Variants in ESF1 observed in about 807,000 individuals in gnomAD.
ESF1 encodes the protein ESF1 nucleolar pre-rRNA processing protein.
Under a neutral mutation model 92.0 loss-of-function variants are expected in ESF1, and 58 were observed. The ratio of observed to expected loss-of-function variants is 0.63; its 90% CI spans 0.51 to 0.78. ESF1 has a LOEUF of 0.78. ESF1 is among the 30% of genes least tolerant of loss of function. The pLI, the probability that ESF1 is intolerant of heterozygous loss-of-function variation, is 0.00. For synonymous variants in ESF1, 321 were observed against 313.7 expected, an observed-to-expected ratio of 1.02 and a Z score of -0.24; for missense variants, 922 against 989.1, an observed-to-expected ratio of 0.93 and a Z score of 0.91.
In ESF1 at chr20:13,775,235, C is replaced by G; in HGVS notation, c.1071G>C (p.Trp357Cys). 2 of 1,610,450 alleles carry G rather than the reference C, an allele frequency of 1.2e-6. No homozygotes were observed. Among genetic ancestry groups the G allele is most frequent in the Non-Finnish European group, 1.7e-6 (2 of 1,178,840 alleles). Residue 357 changes from tryptophan (W) to cysteine (C), a missense_variant, in exon 4 of 14, where the codon TGG becomes TGC. Physicochemically the swap from Trp to Cys is radical, Grantham distance 215 (BLOSUM62 -2). Coordinates refer to ENST00000617257, the MANE Select transcript of ESF1 (RefSeq NM_001276380.2). ...GCAAATCTTTTGCCTTTAATCTATC[C>G]CAGTCCATGTTACAAACTGCTAATC... The part of the protein sequence containing the change: ...TRRLAVCNMD[W>C]DRLKAKDLLA...
chr20:13,777,011 A>G (rs1183297801), intron 2 of ESF1, among the ~76,000 whole-genome samples: 1 of 152,230 alleles, frequency 6.6e-6, no homozygotes, highest in Non-Finnish European at 1.5e-5. Context: ...ATGGGAAGAC[A>G]CTGCTGTTTT....
intron 9 of ESF1, among the ~76,000 whole-genome samples, chr20:13,734,915 GAGGT>G (rs1232761398): frequency 6.6e-6 from 1 of 152,058 alleles, no homozygotes; most frequent in East Asian, 1.9e-4. Context: ...TAAGAACATG[GAGGT>G]AGGAAGCTGC....
chr20:13,728,468 T>C lies in ESF1; in HGVS notation c.1951-3A>G, dbSNP rs202096171. On this transcript the variant is annotated splice_polypyrimidine_tract_variant and splice_region_variant and intron_variant, in intron 10 of 13. Coordinates refer to ENST00000617257, the MANE Select transcript of ESF1 (RefSeq NM_001276380.2). The stretch of plus-strand genomic sequence containing the variant: ...TCACTGGCCTCTTCAGCAAGAGCCT[T>C]AAAAGTTGAATATAAAAATACAAAA... The C allele has an allele frequency of 3.6e-5, 57 of 1,596,868 alleles. No individual in the cohort carries two copies. The highest frequency in any genetic ancestry group is 1.7e-6 in the Non-Finnish European group (2 of 1,171,382).
chr20:13,730,391 T>C (rs1416429367), intron 10 of ESF1, among the ~76,000 whole-genome samples: 3 of 150,726 alleles, frequency 2.0e-5, no homozygotes, highest in Non-Finnish European at 4.4e-5. Context: ...AGTGCTTTTT[T>C]TTTTTTTTTT....
intron 11 of ESF1, among the ~76,000 whole-genome samples, chr20:13,719,269 C>T (rs925069469): frequency 6.6e-6 from 1 of 151,908 alleles, no homozygotes; most frequent in Non-Finnish European, 1.5e-5. Context: ...AGATCATTTC[C>T]ACAGATACAG....
chr20:13,746,509 T>A (rs923349773), intron 9 of ESF1, among the ~76,000 whole-genome samples: 1 of 152,312 alleles, frequency 6.6e-6, no homozygotes, highest in East Asian at 1.9e-4. Context: ...CTCTATGCTC[T>A]TTCTGTAATC....
chr20:13,728,330 C>G, intron 11 of ESF1, 48 bp downstream of exon 11: 1 of 1,447,388 alleles, frequency 6.9e-7, no homozygotes, highest in Non-Finnish European at 9.6e-7. Flanking sequence ...TGTACCTCAC[C>G]TTTTTCTTTA....
intron 9 of ESF1, among the ~76,000 whole-genome samples, chr20:13,741,155 T>A (rs1282039990): frequency 4.6e-5 from 7 of 152,162 alleles, no homozygotes; most frequent in Non-Finnish European, 8.8e-5. Flanking sequence ...AATACATCAA[T>A]TCTTCTGCCC....
rs555930133 is a variant in ESF1 at position 13,731,417 on chromosome 20, A to C, written c.1950+2304T>G. ...TGTGGTGGCGGGCGCCTGTAGTCCC[A>C]GCTACTCGGGAGGCTGAGGCAGGAG... On this transcript the variant is annotated intron_variant, in intron 10 of 13. Coordinates refer to ENST00000617257, the MANE Select transcript of ESF1 (RefSeq NM_001276380.2). 4.6e-5 allele frequency among the ~76,000 whole-genome samples: 7 copies of C among 151,574 alleles called. No homozygotes were observed. The South Asian group carries it at 1.3e-3, about 27-fold the overall frequency.
chr20:13,717,517 G>A lies in ESF1; in HGVS notation c.2116-3C>T. 1 of 1,612,642 alleles carries A rather than the reference G, an allele frequency of 6.2e-7. No homozygotes were observed. Among genetic ancestry groups the A allele is most frequent in the Non-Finnish European group, 8.5e-7 (1 of 1,179,800 alleles). On this transcript the variant is annotated splice_region_variant and splice_polypyrimidine_tract_variant and intron_variant, in intron 12 of 13. Coordinates refer to ENST00000617257, the MANE Select transcript of ESF1 (RefSeq NM_001276380.2). Reference sequence around the variant, plus strand: ...ATCATAAGCAAAGCCATTTCAGCCTGTAGAGAGCAAAAAAAAGTTCAAATG... The same window carrying A: ...ATCATAAGCAAAGCCATTTCAGCCTATAGAGAGCAAAAAAAAGTTCAAATG...
At chr20:13,742,187 C>T (rs4564848) in intron 9 of ESF1, among the ~76,000 whole-genome samples, 23,325 of 152,046 alleles carry the variant, frequency 0.15, 2,264 homozygotes, top group East Asian at 0.42. Context: ...GCCAATGTGA[C>T]GAAACCCTGT....
chr20:13,728,859 T>A (rs2049921818), intron 10 of ESF1, among the ~76,000 whole-genome samples: 1 of 149,256 alleles, frequency 6.7e-6, no homozygotes, highest in Admixed American at 6.7e-5. Flanking sequence ...AGAGCGAGAC[T>A]CCATCTCAAA....
At chr20:13,742,432 T>C (rs950206827) in intron 9 of ESF1, among the ~76,000 whole-genome samples, 9 of 151,858 alleles carry the variant, frequency 5.9e-5, no homozygotes, top group Non-Finnish European at 1.2e-4. Context: ...GATCACGCCA[T>C]TGCACTCCAG....
chr20:13,744,582 T>C (rs77259476), intron 9 of ESF1, among the ~76,000 whole-genome samples: 1,798 of 152,340 alleles, frequency 0.012, 43 homozygotes, highest in African/African-American at 0.041. Context: ...TTCCATACCC[T>C]GGCTAACTGT....
At chr20:13,783,233 TTAAA>T in intron 1 of ESF1, 50 bp from the exon 2 acceptor site, 2 of 1,220,132 alleles carry the variant, frequency 1.6e-6, no homozygotes, top group South Asian at 3.3e-5. Flanking sequence ...AGTACAATAA[TTAAA>T]TGTTTTAAAA....
chr20:13,771,725 T>C (rs1214084939), intron 5 of ESF1, among the ~76,000 whole-genome samples: 4 of 152,120 alleles, frequency 2.6e-5, no homozygotes, highest in African/African-American at 9.7e-5. Context: ...GGAATTCGTG[T>C]GTTTATCTAT....
chr20:13,767,084 T>C (rs1157403612), intron 7 of ESF1, among the ~76,000 whole-genome samples, 160 bp from the exon 8 acceptor site: 2 of 152,210 alleles, frequency 1.3e-5, no homozygotes, highest in Non-Finnish European at 2.9e-5. Context: ...AATAGTATCC[T>C]ATTTGTGAAA....
Position 13,775,197 on chromosome 20 carries a change from T to C in ESF1, c.1109A>G (p.Asn370Ser). ...TACACCTCCTTTGGGTTTAAATGAA[T>C]TGAACAGAGCCAGCAAATCTTTTGC... ...LKAKDLLALF[N>S]SFKPKGGVIF... Residue 370 changes from asparagine to serine, a missense_variant, in exon 4 of 14, where the codon AAT (asparagine) becomes AGT (serine). Asn to Ser is a conservative substitution (Grantham distance 46). Coordinates refer to ENST00000617257, the MANE Select transcript of ESF1 (RefSeq NM_001276380.2). The C allele has an allele frequency of 1.2e-6, 2 of 1,609,730 alleles. No homozygotes were observed. The highest frequency in any genetic ancestry group is 1.7e-6 in the Non-Finnish European group (2 of 1,178,790).
chr20:13,750,302 C>T (rs528823202), intron 9 of ESF1, among the ~76,000 whole-genome samples: 22 of 152,210 alleles, frequency 1.4e-4, no homozygotes, highest in African/African-American at 4.6e-4. Context: ...GTCAGGAGTT[C>T]GAGACCAGCC....
Sources: allele counts gnomAD v4.1 joint callset (sites outside exome capture counted in the v4.1 genomes callset), GRCh38; gene constraint gnomAD v4.1.1; transcripts MANE v1.5; gene names NCBI Gene and HGNC (gene_info 2026-07-23, HGNC 2026-07-21).